Variants in LMX1B observed in about 807,000 individuals in gnomAD.
The protein encoded by LMX1B is LIM homeobox transcription factor 1-beta.
In LMX1B, 12 loss-of-function variants were observed where a neutral mutation model predicts 51.4. That is an observed-to-expected ratio of 0.23 (90% confidence interval 0.15 to 0.38). The LOEUF (loss-of-function observed/expected upper bound fraction) is 0.38, where lower values mean the gene tolerates loss of function less well. LMX1B is among the 10% of genes least tolerant of loss of function. The pLI is 1.00. For synonymous variants in LMX1B, 237 were observed against 235.4 expected (o/e 1.01, Z -0.06); for missense variants, 445 against 571.1 (o/e 0.78, Z 2.25).
chr9:126,665,384 G>A (rs1274514484), intron 2 of LMX1B, among the ~76,000 whole-genome samples: 1 of 152,220 alleles, frequency 6.6e-6, no homozygotes, highest in Non-Finnish European at 1.5e-5. Context: ...TCCTGACTCT[G>A]GTGGCTAAAT....
At chr9:126,635,328 T>C (rs1835695561) in intron 2 of LMX1B, among the ~76,000 whole-genome samples, 2 of 152,164 alleles carry the variant, frequency 1.3e-5, no homozygotes, top group African/African-American at 4.8e-5. Context: ...CGGCTAGGAC[T>C]TGGAAGACTG....
At chr9:126,636,879 G>A (rs1432351614) in intron 2 of LMX1B, among the ~76,000 whole-genome samples, 2 of 152,224 alleles carry the variant, frequency 1.3e-5, no homozygotes, top group Non-Finnish European at 2.9e-5. Flanking sequence ...GCAGGCACAT[G>A]TATGTGCGAG....
Position 126,696,690 on chromosome 9 carries a change from C to T in LMX1B, c.*239C>T, listed in dbSNP as rs2030350821. ...CAGAGACCTTGTCATCCCCAGGGAC[C>T]CAGAGCTCTCGGACGGCCACTCGCC... On this transcript the variant is annotated 3_prime_UTR_variant, in exon 8 of 8. Coordinates refer to ENST00000373474, the MANE Select transcript of LMX1B (RefSeq NM_001174147.2). 1 of 572,006 alleles carries T rather than the reference C, an allele frequency of 1.7e-6. No individual in the cohort carries two copies. Among genetic ancestry groups the T allele is most frequent in the East Asian group, 2.9e-5 (1 of 34,124 alleles). The allele number at this position is 572,006 out of a possible 1,614,324, so 35.4% of individuals were successfully genotyped here. A position where few individuals can be genotyped will look rare whatever the true frequency, so the allele number is the denominator to read the frequency against.
At chr9:126,685,375 C>T (rs1050758192) in intron 2 of LMX1B, among the ~76,000 whole-genome samples, 1 of 152,120 alleles carries the variant, frequency 6.6e-6, no homozygotes, top group African/African-American at 2.4e-5. Flanking sequence ...TTGGGCTTAT[C>T]CTGACATTTT....
chr9:126,691,098 C>T (rs758189292), intron 3 of LMX1B, 30 bp downstream of exon 3: 2 of 1,564,582 alleles, frequency 1.3e-6, no homozygotes, highest in Non-Finnish European at 1.7e-6. Flanking sequence ...GGGGGCAGGC[C>T]TCAGGGACGG....
Position 126,673,830 on chromosome 9 carries a change from A to G in LMX1B, c.327-17006A>G, listed in dbSNP as rs1335403293. 6.6e-6 allele frequency among the ~76,000 whole-genome samples: 1 copy of G among 152,080 alleles called. No individual in the cohort carries two copies. The highest frequency in any genetic ancestry group is 1.5e-5 in the Non-Finnish European group (1 of 68,000). On this transcript the variant is annotated intron_variant, in intron 2 of 7. Transcript: ENST00000373474. This position sits in a 1 kb window ranked among gnomAD's most constrained non-coding sequence, Gnocchi z 4.4. ...ATCCCCACGGGGAGATTGGATGGAA[A>G]TGGCCTGCCAGTGTGTGTGTGAGTG...
In LMX1B at chr9:126,699,794, G is replaced by C; in HGVS notation, c.*3343G>C. 1 of 152,280 alleles carries C rather than the reference G, an allele frequency of 6.6e-6. No homozygotes were observed. The highest frequency in any genetic ancestry group is 1.5e-5 in the Non-Finnish European group (1 of 68,104). The allele number at this position is 152,280 out of a possible 1,614,324, so 9.4% of individuals were successfully genotyped here. A position where few individuals can be genotyped will look rare whatever the true frequency, so the allele number is the denominator to read the frequency against. ...TCAGGGCCACCCAGCAGAAGCCTGT[G>C]GGGCTGGGCAACCTTCTCCCACTTT... On this transcript the variant is annotated 3_prime_UTR_variant, in exon 8 of 8. Transcript: ENST00000373474.
At chr9:126,638,312 T>C (rs1346516892) in intron 2 of LMX1B, among the ~76,000 whole-genome samples, 9 of 152,080 alleles carry the variant, frequency 5.9e-5, no homozygotes, top group Non-Finnish European at 1.2e-4. Flanking sequence ...CGGATGGAGT[T>C]TCCCTGGGAG....
At chr9:126,639,627 T>A (rs1835772890) in intron 2 of LMX1B, among the ~76,000 whole-genome samples, 1 of 152,196 alleles carries the variant, frequency 6.6e-6, no homozygotes, top group South Asian at 2.1e-4. Flanking sequence ...TGCCGCAGCC[T>A]GGCCCCTTCC....
At chr9:126,693,957 G>A (rs1010696769) in intron 6 of LMX1B, 145 bp downstream of exon 6, 3 of 599,898 alleles carry the variant, frequency 5.0e-6, no homozygotes, top group Non-Finnish European at 8.9e-6. Flanking sequence ...CTGTCCCAGG[G>A]CTAGGGACAA....
intron 2 of LMX1B, among the ~76,000 whole-genome samples, chr9:126,635,541 C>T (rs1426464742): frequency 2.0e-5 from 3 of 152,204 alleles, no homozygotes; most frequent in East Asian, 1.9e-4. Context: ...ATAACTGTTT[C>T]GGAGGAGGCT....
chr9:126,688,378 G>A (rs1014234770), intron 2 of LMX1B, among the ~76,000 whole-genome samples: 17 of 152,356 alleles, frequency 1.1e-4, no homozygotes, highest in Non-Finnish European at 2.1e-4. Flanking sequence ...AAGGTGTGCT[G>A]ACCCTGGCCT....
chr9:126,669,971 C>T (rs1836419930), intron 2 of LMX1B, among the ~76,000 whole-genome samples: 1 of 152,150 alleles, frequency 6.6e-6, no homozygotes, highest in Non-Finnish European at 1.5e-5. Flanking sequence ...AGGCTGAGGG[C>T]AGGGCTCCTG....
At chr9:126,674,373 G>A (rs868684124) in intron 2 of LMX1B, among the ~76,000 whole-genome samples, 3 of 150,864 alleles carry the variant, frequency 2.0e-5, no homozygotes, top group Admixed American at 1.3e-4. Flanking sequence ...CACTTGTAGG[G>A]TGGGGTGGAG....
chr9:126,691,796 G>A (rs1333187531), intron 3 of LMX1B, among the ~76,000 whole-genome samples: 1 of 152,238 alleles, frequency 6.6e-6, no homozygotes, highest in Non-Finnish European at 1.5e-5. Flanking sequence ...GCCAGCCTCT[G>A]TTTCCCAGCC....
At chr9:126,644,016 G>A (rs1259166297) in intron 2 of LMX1B, among the ~76,000 whole-genome samples, 1 of 152,194 alleles carries the variant, frequency 6.6e-6, no homozygotes, top group East Asian at 1.9e-4. Flanking sequence ...GCTCCACCAA[G>A]GGAGTCTCAG....
At chr9:126,680,138 C>A (rs1289024155) in intron 2 of LMX1B, among the ~76,000 whole-genome samples, 2 of 152,210 alleles carry the variant, frequency 1.3e-5, no homozygotes, top group African/African-American at 4.8e-5. Context: ...CGCCATCATC[C>A]CCCCATAACC....
At chr9:126,672,636 G>A (rs529457665) in intron 2 of LMX1B, among the ~76,000 whole-genome samples, 21 of 152,240 alleles carry the variant, frequency 1.4e-4, no homozygotes, top group South Asian at 1.2e-3. Context: ...TTTACAATCC[G>A]TTACTTGAGG....
chr9:126,696,634 C>A lies in LMX1B; in HGVS notation c.*183C>A. 6.2e-6 allele frequency: 4 copies of A among 644,222 alleles called. No homozygotes were observed. Among genetic ancestry groups the A allele is most frequent in the Non-Finnish European group, 5.4e-6 (2 of 371,202 alleles). The allele number at this position is 644,222 out of a possible 1,614,324, so 39.9% of individuals were successfully genotyped here. A position where few individuals can be genotyped will look rare whatever the true frequency, so the allele number is the denominator to read the frequency against. On this transcript the variant is annotated 3_prime_UTR_variant, in exon 8 of 8. Coordinates refer to ENST00000373474, the MANE Select transcript of LMX1B (RefSeq NM_001174147.2). ...GGGTACAGCCAGACCGGTAGATGGG[C>A]ACAGCCTGGGCAGGGGCTGTGTCCT... is the stretch of plus-strand genomic sequence containing the variant.
Sources: gnomAD v4.1 joint callset for allele counts (sites outside exome capture counted in the v4.1 genomes callset) on GRCh38, gnomAD v4.1.1 for gene constraint, Gnocchi (gnomAD v3.1) non-coding constraint, MANE v1.5 for transcripts, NCBI Gene and HGNC (gene_info 2026-07-23, HGNC 2026-07-21) for gene names.